MSRA: variants seen among roughly 807,000 people sequenced by gnomAD.
MSRA encodes the protein methionine sulfoxide reductase A.
Under a neutral mutation model 31.3 loss-of-function variants are expected in MSRA, and 54 were observed. That is an observed-to-expected ratio of 1.73 (90% CI 1.39 to 2.17). The LOEUF (loss-of-function observed/expected upper bound fraction) is 2.17, where lower values mean the gene tolerates loss of function less well. MSRA is among the 30% of genes most tolerant of loss of function. The pLI is 0.00. For synonymous variants in MSRA, 169 were observed against 116.5 expected, an observed-to-expected ratio of 1.45 and a Z score of -2.90; for missense variants, 507 against 300.9, an observed-to-expected ratio of 1.69 and a Z score of -5.07.
chr8:10,129,192 GT>G (rs1324485405), intron 1 of MSRA, among the ~76,000 whole-genome samples: 1 of 152,164 alleles, frequency 6.6e-6, no homozygotes, highest in African/African-American at 2.4e-5. Context: ...TGAGTTTGCT[GT>G]AGGTTCTTTG....
Position 10,195,151 on chromosome 8 carries a change from C to A in MSRA, c.143-12682C>A, listed in dbSNP as rs941902831. On this transcript the variant is annotated intron_variant, in intron 1 of 5. Coordinates refer to ENST00000317173, the MANE Select transcript of MSRA (RefSeq NM_012331.5). ...TAGGACCAGTATTTTTACAAGCAAT[C>A]TTGTGATGACTGTCTTTGTCCGTGA... Among the ~76,000 whole-genome samples, 9 of 152,174 alleles carry A rather than the reference C, an allele frequency of 5.9e-5. No homozygotes were observed. The East Asian group carries it at 1.2e-3, about 20-fold the overall frequency.
intron 5 of MSRA, among the ~76,000 whole-genome samples, chr8:10,393,599 A>G (rs1054224227): frequency 1.3e-5 from 2 of 152,154 alleles, no homozygotes; most frequent in African/African-American, 4.8e-5. Flanking sequence ...TGGGATACCT[A>G]GTTGTATGGC....
chr8:10,269,631 T>G (rs1009861215), intron 3 of MSRA, among the ~76,000 whole-genome samples: 3 of 151,206 alleles, frequency 2.0e-5, no homozygotes, highest in Admixed American at 1.3e-4. Flanking sequence ...CTTTTGGTTT[T>G]TTGTTGTTGT....
At chr8:10,413,291 C>G (rs576610641) in intron 5 of MSRA, among the ~76,000 whole-genome samples, 1 of 152,144 alleles carries the variant, frequency 6.6e-6, no homozygotes, top group East Asian at 1.9e-4. Flanking sequence ...GTAAGGAATT[C>G]GGTGCCTAAC....
chr8:10,351,077 G>A (rs1455109351), intron 5 of MSRA, among the ~76,000 whole-genome samples: 1 of 152,204 alleles, frequency 6.6e-6, no homozygotes, highest in African/African-American at 2.4e-5. Flanking sequence ...GCAGAATGCT[G>A]TGAGTCAGAC....
At chr8:10,401,333 A>G (rs145421445) in intron 5 of MSRA, among the ~76,000 whole-genome samples, 29 of 152,218 alleles carry the variant, frequency 1.9e-4, no homozygotes, top group African/African-American at 5.5e-4. Context: ...CACTGAGGCA[A>G]TGCAAATCAA....
intron 5 of MSRA, among the ~76,000 whole-genome samples, chr8:10,343,823 A>T (rs1397518646): frequency 1.3e-5 from 2 of 152,232 alleles, no homozygotes; most frequent in Admixed American, 6.5e-5. Flanking sequence ...ATAATCTCTT[A>T]TAAATAACTA....
intron 5 of MSRA, among the ~76,000 whole-genome samples, chr8:10,354,916 C>T (rs538739328): frequency 2.6e-5 from 4 of 152,002 alleles, no homozygotes; most frequent in East Asian, 1.9e-4. Context: ...TAAATGCTGC[C>T]GTGATGAGCA....
intron 5 of MSRA, among the ~76,000 whole-genome samples, chr8:10,402,288 C>T (rs1015095333): frequency 1.6e-4 from 24 of 152,234 alleles, no homozygotes; most frequent in Admixed American, 1.6e-3. Flanking sequence ...TGAGCCTACC[C>T]CTGGAGGGAC....
At chr8:10,265,864 G>A (rs1380754552) in intron 3 of MSRA, among the ~76,000 whole-genome samples, 1 of 152,218 alleles carries the variant, frequency 6.6e-6, no homozygotes, top group Non-Finnish European at 1.5e-5. Flanking sequence ...GAATCACACA[G>A]ATTTCTTTTT....
intron 5 of MSRA, among the ~76,000 whole-genome samples, chr8:10,414,350 C>G (rs1199520471): frequency 2.6e-5 from 4 of 152,112 alleles, no homozygotes; most frequent in Non-Finnish European, 5.9e-5. Flanking sequence ...GAAACTGAGA[C>G]CCAGATGAGT....
At chr8:10,173,790 T>A (rs1344710522) in intron 1 of MSRA, among the ~76,000 whole-genome samples, 1 of 152,244 alleles carries the variant, frequency 6.6e-6, no homozygotes, top group Non-Finnish European at 1.5e-5. Flanking sequence ...GTGTGCCTAG[T>A]CTGTCCCATC....
chr8:10,197,929 C>A (rs551220343), intron 1 of MSRA, among the ~76,000 whole-genome samples: 28 of 152,192 alleles, frequency 1.8e-4, no homozygotes, highest in Middle Eastern at 3.2e-3. Flanking sequence ...TCTGCTGCAC[C>A]TTCCTGTGAT....
At chr8:10,346,869 G>C (rs756779447) in intron 5 of MSRA, among the ~76,000 whole-genome samples, 7 of 152,196 alleles carry the variant, frequency 4.6e-5, no homozygotes, top group Non-Finnish European at 8.8e-5. Context: ...CTAAACAGTA[G>C]GTTGGCTCCC....
intron 5 of MSRA, among the ~76,000 whole-genome samples, chr8:10,414,987 T>G (rs1808370123): frequency 6.6e-6 from 1 of 152,186 alleles, no homozygotes; most frequent in Non-Finnish European, 1.5e-5. Context: ...GTCACTTGAA[T>G]TATTTTTAAA....
intron 1 of MSRA, among the ~76,000 whole-genome samples, chr8:10,180,204 C>T (rs1470538209): frequency 2.6e-5 from 4 of 152,148 alleles, no homozygotes; most frequent in Non-Finnish European, 5.9e-5. Flanking sequence ...TGATAATTTG[C>T]TGGAATGGCT....
chr8:10,335,250 G>GTTTTTTTTTTTTT (rs1170264568), intron 5 of MSRA, among the ~76,000 whole-genome samples: 60 of 79,862 alleles, frequency 7.5e-4, no homozygotes, highest in Non-Finnish European at 9.6e-4. Context: ...TCCCAGCTCT[G>GTTTTTTTTTTTTT]TTTTTTTTTT....
chr8:10,284,305 C>T (rs1799816623), intron 3 of MSRA, among the ~76,000 whole-genome samples: 1 of 152,126 alleles, frequency 6.6e-6, no homozygotes. Flanking sequence ...TCTCCTGCCT[C>T]AGCCTCCCGA....
rs142236471 is a variant in MSRA at position 10,121,042 on chromosome 8, A to T, written c.142+66384A>T. Among the ~76,000 whole-genome samples, 3 of 152,362 alleles carry T rather than the reference A, an allele frequency of 2.0e-5. No homozygotes were observed. The East Asian group carries it at 5.8e-4, about 29-fold the overall frequency. On this transcript the variant is annotated intron_variant, in intron 1 of 5. Coordinates refer to ENST00000317173, the MANE Select transcript of MSRA (RefSeq NM_012331.5). ...AAATTAAGTCAAACATTTCAGAAAA[A>T]GTTAATAAAGGGTAGTCACTTAAAA... is the stretch of plus-strand genomic sequence containing the variant.
Sources: allele counts gnomAD v4.1 joint callset (sites outside exome capture counted in the v4.1 genomes callset), GRCh38; gene constraint gnomAD v4.1.1; transcripts MANE v1.5; gene names NCBI Gene and HGNC (gene_info 2026-07-23, HGNC 2026-07-21).